Variants in MTUS1 observed in about 807,000 individuals in gnomAD.
MTUS1 encodes the protein microtubule associated scaffold protein 1.
Under a neutral mutation model 120.8 loss-of-function variants are expected in MTUS1, and 109 were observed. That is an observed-to-expected ratio of 0.90 (90% CI 0.77 to 1.06). The LOEUF (loss-of-function observed/expected upper bound fraction) is 1.06, where lower values mean the gene tolerates loss of function less well. MTUS1 is among the 50% of genes least tolerant of loss of function. The probability of loss-of-function intolerance (pLI) is 0.00; values close to 1 mark genes in which losing one functional copy is unlikely to be tolerated. For missense variants in MTUS1, 2,210 were observed against 1,486.3 expected, an observed-to-expected ratio of 1.49 and a Z score of -8.01; for synonymous variants, 737 against 550.5, an observed-to-expected ratio of 1.34 and a Z score of -4.74.
At chr8:17,648,122 G>C (rs961799596) in intron 13 of MTUS1, among the ~76,000 whole-genome samples, 1 of 152,194 alleles carries the variant, frequency 6.6e-6, no homozygotes, top group Non-Finnish European at 1.5e-5. Flanking sequence ...AGGGAAACTA[G>C]TCCTAATAAT....
chr8:17,697,196 T>C (rs897148038), intron 6 of MTUS1: 2 of 1,518,220 alleles, frequency 1.3e-6, no homozygotes, highest in South Asian at 1.4e-5. Flanking sequence ...CTGATAAACA[T>C]CTGCAAATTA....
At chr8:17,725,382 C>T (rs1213970828) in intron 3 of MTUS1, among the ~76,000 whole-genome samples, 2 of 152,168 alleles carry the variant, frequency 1.3e-5, no homozygotes, top group Non-Finnish European at 2.9e-5. Flanking sequence ...AAGCTCCCCT[C>T]CTTCGGCTCC....
rs187711910 is a variant in MTUS1 at position 17,741,721 on chromosome 8, C to T, written c.2287+1883G>A. On this transcript the variant is annotated intron_variant, in intron 3 of 14. Coordinates refer to ENST00000693296, the MANE Select transcript of MTUS1 (RefSeq NM_001363059.2). ...TGGCCTCATTTCTTAAAAGTATGTGCGCTTAGATTTTCTGGGATTCAAGCC... is the reference window on the plus strand; with the variant it reads ...TGGCCTCATTTCTTAAAAGTATGTGTGCTTAGATTTTCTGGGATTCAAGCC... Among the ~76,000 whole-genome samples, 106 of 152,224 alleles carry T rather than the reference C, an allele frequency of 7.0e-4. 1 individual carries two copies. Among genetic ancestry groups the T allele is most frequent in the Admixed American group, 6.4e-3 (98 of 15,284 alleles).
At chr8:17,776,223 A>C (rs1311972897) in intron 1 of MTUS1, among the ~76,000 whole-genome samples, 2 of 152,206 alleles carry the variant, frequency 1.3e-5, no homozygotes, top group Non-Finnish European at 2.9e-5. Flanking sequence ...TAGGTATTAA[A>C]AGTAACCTAG....
At chr8:17,655,720 G>A (rs1189310948) in intron 9 of MTUS1, 143 bp downstream of exon 9, 1 of 720,790 alleles carries the variant, frequency 1.4e-6, no homozygotes, top group Non-Finnish European at 2.3e-6. Context: ...GACAGAGTGG[G>A]ACTCTGTCTT....
chr8:17,662,671 T>A (rs1467073784), intron 8 of MTUS1, among the ~76,000 whole-genome samples: 3 of 151,870 alleles, frequency 2.0e-5, no homozygotes, highest in Admixed American at 6.6e-5. Flanking sequence ...TTTTAATCAT[T>A]CCATTAGTCT....
chr8:17,724,031 G>A, intron 3 of MTUS1, 198 bp from the exon 4 acceptor site: 1 of 577,486 alleles, frequency 1.7e-6, no homozygotes, highest in Non-Finnish European at 3.1e-6. Flanking sequence ...AGGCAAGAGA[G>A]CAGAAATGAT....
chr8:17,724,944 A>T (rs949166256), intron 3 of MTUS1, among the ~76,000 whole-genome samples: 7 of 152,038 alleles, frequency 4.6e-5, no homozygotes, highest in African/African-American at 1.2e-4. Context: ...TTATTTTTTT[A>T]AAAATCTTGC....
intron 6 of MTUS1, among the ~76,000 whole-genome samples, chr8:17,696,919 C>G (rs929639124): frequency 2.0e-5 from 3 of 152,184 alleles, no homozygotes; most frequent in African/African-American, 7.2e-5. Flanking sequence ...TCTAAATTTA[C>G]CTGTGTCCTA....
At chr8:17,788,235 C>A (rs746154249) in intron 1 of MTUS1, among the ~76,000 whole-genome samples, 14 of 152,192 alleles carry the variant, frequency 9.2e-5, no homozygotes, top group Non-Finnish European at 1.8e-4. Flanking sequence ...AAGCCAGGTG[C>A]ACTGCATTTC....
chr8:17,769,382 C>T (rs1453257404), intron 1 of MTUS1, among the ~76,000 whole-genome samples: 58 of 141,158 alleles, frequency 4.1e-4, no homozygotes, highest in Non-Finnish European at 6.2e-4. Context: ...GAGTCTCGCT[C>T]TGTCGCCCAG....
Position 17,645,977 on chromosome 8 carries a change from C to A in MTUS1, c.3762G>T (p.Gln1254His). ...RSPTSSAIPL[Q>H]SPRNSGSFPS... ...GGAAGGAGCCCGAATTCCTTGGTGACTGCAAAGGGATGGCGGAGGATGTGG... is the reference window on the plus strand; with the variant it reads ...GGAAGGAGCCCGAATTCCTTGGTGAATGCAAAGGGATGGCGGAGGATGTGG... The change falls in exon 15 of 15, where the codon CAG becomes CAT. Residue 1254 changes from glutamine to histidine, a missense_variant. Physicochemically the swap from Gln to His is conservative, Grantham distance 24 (BLOSUM62 0). Transcript: ENST00000693296. The A allele has an allele frequency of 6.2e-7, 1 of 1,613,438 alleles. No homozygotes were observed. The highest frequency in any genetic ancestry group is 1.3e-5 in the African/African-American group (1 of 74,982).
In MTUS1 at chr8:17,753,776, T is replaced by C. The variant is rs2131334419; in HGVS notation, c.2032A>G (p.Lys678Glu). The change falls in exon 2 of 15, where the codon AAA becomes GAA. Residue 678 changes from lysine (K) to glutamate (E), a missense_variant. Coordinates refer to ENST00000693296, the MANE Select transcript of MTUS1 (RefSeq NM_001363059.2). The stretch of plus-strand genomic sequence containing the variant: ...ATAATCTCTTGTTTCAGCTCTTGTT[T>C]TTCCATAGATGTCCCATTTTCTTTT... ...GEKENGTSMEKQELKQEIMNE... is the reference protein window; with the variant it reads ...GEKENGTSMEEQELKQEIMNE... 1 of 1,613,176 alleles carries C rather than the reference T, an allele frequency of 6.2e-7. No homozygotes were observed. The highest frequency in any genetic ancestry group is 2.2e-5 in the East Asian group (1 of 44,884).
At position 17,738,586 on chromosome 8, in the gene MTUS1, G is replaced by A. The variant is rs114242794; in HGVS notation, c.2287+5018C>T. 6.9e-3 allele frequency among the ~76,000 whole-genome samples: 1,050 copies of A among 152,160 alleles called. 15 individuals are homozygous for A. Among genetic ancestry groups the A allele is most frequent in the African/African-American group, 0.024 (998 of 41,504 alleles). Reference sequence around the variant, plus strand: ...TGTATTTTTTATTGTTTTAAGTTCCGGGGTACATGTGCAGGCTGTGCAGGT... The same window carrying A: ...TGTATTTTTTATTGTTTTAAGTTCCAGGGTACATGTGCAGGCTGTGCAGGT... On this transcript the variant is annotated intron_variant, in intron 3 of 14. Transcript: ENST00000693296.
chr8:17,740,177 C>T (rs2131242567), intron 3 of MTUS1, among the ~76,000 whole-genome samples: 1 of 150,942 alleles, frequency 6.6e-6, no homozygotes, highest in East Asian at 1.9e-4. Context: ...CATTGCACTC[C>T]AGCCTGATCA....
At chr8:17,714,894 C>CTTTTTTTT (rs34479493) in intron 5 of MTUS1, among the ~76,000 whole-genome samples, 1 of 55,172 alleles carries the variant, frequency 1.8e-5, no homozygotes, top group Non-Finnish European at 3.3e-5. Flanking sequence ...ACAAATAATG[C>CTTTTTTTT]TTTTTTTTTT....
intron 1 of MTUS1, among the ~76,000 whole-genome samples, chr8:17,779,326 C>T (rs537667886): frequency 8.5e-5 from 13 of 152,106 alleles, no homozygotes; most frequent in Non-Finnish European, 1.9e-4. Context: ...GACCAGGAGA[C>T]GTAATGATGT....
rs2048573372 is a variant in MTUS1 at position 17,755,901 on chromosome 8, T to C, written c.-94A>G. ...CAAAATGGTCTGTCTTCTAGGTTTT[T>C]CAGCACAGTTGAAAGGTTTTCAGTC... On this transcript the variant is annotated 5_prime_UTR_variant, in exon 2 of 15. Coordinates refer to ENST00000693296, the MANE Select transcript of MTUS1 (RefSeq NM_001363059.2). 1.3e-6 allele frequency: 2 copies of C among 1,494,618 alleles called. No homozygotes were observed. The highest frequency in any genetic ancestry group is 2.8e-5 in the South Asian group (2 of 72,280). The allele number at this position is 1,494,618 out of a possible 1,614,324, so 92.6% of individuals were successfully genotyped here.
At chr8:17,734,189 G>C (rs972168704) in intron 3 of MTUS1, 2 of 152,108 alleles carry the variant, frequency 1.3e-5, no homozygotes, top group Non-Finnish European at 2.9e-5. Flanking sequence ...CTCAGTGTCT[G>C]GTACATGACT....
Sources: gnomAD v4.1 joint callset for allele counts (sites outside exome capture counted in the v4.1 genomes callset) on GRCh38, gnomAD v4.1.1 for gene constraint, MANE v1.5 for transcripts, NCBI Gene and HGNC (gene_info 2026-07-23, HGNC 2026-07-21) for gene names.